The following PRELID2 variants were observed in gnomAD, a reference collection of about 807,000 sequenced individuals.
PRELID2 encodes PRELI domain-containing protein 2.
A neutral mutation model predicts 28.4 loss-of-function variants in PRELID2; 25 were observed. That is an observed-to-expected ratio of 0.88 (90% CI 0.64 to 1.23). PRELID2 has a LOEUF of 1.23. PRELID2 is among the 50% of genes most tolerant of loss of function. The pLI, the probability that PRELID2 is intolerant of heterozygous loss-of-function variation, is 0.00. For missense variants in PRELID2, 201 were observed against 214.4 expected (o/e 0.94, Z 0.39); for synonymous variants, 76 against 71.6 (o/e 1.06, Z -0.31).
chr5:145,559,477 AAT>A (rs1264101102), intron 1 of PRELID2, among the ~76,000 whole-genome samples: 2 of 152,172 alleles, frequency 1.3e-5, no homozygotes, highest in African/African-American at 4.8e-5. Context: ...TTTTGTTTAA[AAT>A]ATGTGTCATA....
At chr5:145,623,452 A>AT (rs1352300302) in intron 1 of PRELID2, among the ~76,000 whole-genome samples, 1,684 of 151,524 alleles carry the variant, frequency 0.011, 32 homozygotes, top group African/African-American at 0.037. Context: ...CTTCTCAAAA[A>AT]AAAATAAATA....
chr5:145,513,236 C>A (rs1035641887), intron 1 of PRELID2, among the ~76,000 whole-genome samples: 3 of 151,542 alleles, frequency 2.0e-5, no homozygotes, highest in African/African-American at 7.3e-5. Context: ...AGCTAAGAAC[C>A]TTGAAAAAAG....
intron 1 of PRELID2, among the ~76,000 whole-genome samples, chr5:145,727,319 G>A (rs1165840968): frequency 6.6e-6 from 1 of 152,102 alleles, no homozygotes; most frequent in Non-Finnish European, 1.5e-5. Flanking sequence ...TTATGCCCTG[G>A]GCTTAGATTA....
intron 1 of PRELID2, among the ~76,000 whole-genome samples, chr5:145,670,925 A>C (rs1010882015): frequency 1.3e-5 from 2 of 152,212 alleles, no homozygotes; most frequent in Non-Finnish European, 2.9e-5. Context: ...AACTTACAAC[A>C]GTGAGAGATC....
At chr5:145,574,967 A>T (rs1418316835) in intron 1 of PRELID2, among the ~76,000 whole-genome samples, 1 of 152,234 alleles carries the variant, frequency 6.6e-6, no homozygotes, top group Admixed American at 6.5e-5. Context: ...AATTGGTTGA[A>T]TCCATGAAAG....
the PRELID2 span, among the ~76,000 whole-genome samples, chr5:145,405,591 T>TG: frequency 6.6e-6 from 1 of 151,698 alleles, no homozygotes. Flanking sequence ...GCTTAGCTTC[T>TG]GGGGAGGCCT....
At chr5:145,491,816 G>C (rs1454001121) in intron 1 of PRELID2, among the ~76,000 whole-genome samples, 1 of 151,752 alleles carries the variant, frequency 6.6e-6, no homozygotes, top group Non-Finnish European at 1.5e-5. Context: ...TCTGTGTTTG[G>C]CTTATTTCAC....
chr5:145,381,978 A>T, the PRELID2 span, among the ~76,000 whole-genome samples: 3 of 151,798 alleles, frequency 2.0e-5, no homozygotes, highest in East Asian at 5.8e-4. Context: ...TTAATTTAGC[A>T]GAAAAAATGA....
At chr5:145,426,995 A>G in the PRELID2 span, among the ~76,000 whole-genome samples, 3 of 152,328 alleles carry the variant, frequency 2.0e-5, no homozygotes, top group South Asian at 6.2e-4. Flanking sequence ...TCTCTGAGTA[A>G]CTGAATTCAC....
intron 1 of PRELID2, among the ~76,000 whole-genome samples, chr5:145,629,835 A>G (rs1196388747): frequency 6.8e-6 from 1 of 148,058 alleles, no homozygotes; most frequent in Non-Finnish European, 1.5e-5. Context: ...CTTGCAATAA[A>G]TATACCCTTT....
intron 1 of PRELID2, among the ~76,000 whole-genome samples, chr5:145,711,745 G>A (rs1052098170): frequency 2.6e-5 from 4 of 151,944 alleles, no homozygotes; most frequent in Admixed American, 6.6e-5. Context: ...GGGTTGGGGG[G>A]CGGGGGCAAG....
At chr5:145,660,628 A>G (rs1754474512) in intron 1 of PRELID2, among the ~76,000 whole-genome samples, 1 of 152,196 alleles carries the variant, frequency 6.6e-6, no homozygotes, top group Non-Finnish European at 1.5e-5. Flanking sequence ...CATCAGGCCT[A>G]TTGGTGCCAA....
At chr5:145,287,917 A>G in the PRELID2 span, among the ~76,000 whole-genome samples, 332 of 152,282 alleles carry the variant, frequency 2.2e-3, 2 homozygotes, top group African/African-American at 7.7e-3. Flanking sequence ...TGACTGTTTT[A>G]AGGAGTAGTC....
At chr5:145,680,848 T>C (rs1305385858) in intron 1 of PRELID2, among the ~76,000 whole-genome samples, 8 of 151,740 alleles carry the variant, frequency 5.3e-5, no homozygotes, top group Non-Finnish European at 1.2e-4. Context: ...TGGGAGAAAG[T>C]ACTTTGTTCC....
rs1754143568 is a variant in PRELID2, at chr5:145,643,489, TG to T, written n.70+121441del. On this transcript the variant is annotated intron_variant and non_coding_transcript_variant, in intron 1 of 2. Transcript: ENST00000510259. ...ATAATTTGACTTCCTCTTTTCCTAT[TG>T]GAATACCTTTTATTTCTTTCTCTTG... Among the ~76,000 whole-genome samples, 4 of 152,316 alleles carry T rather than the reference TG, an allele frequency of 2.6e-5. No homozygotes were observed. In the East Asian group the frequency reaches 5.8e-4, roughly 22 times the overall value.
the PRELID2 span, among the ~76,000 whole-genome samples, chr5:145,394,262 A>T: frequency 2.0e-5 from 3 of 152,164 alleles, no homozygotes; most frequent in African/African-American, 7.2e-5. Flanking sequence ...TAAAAAAATG[A>T]TGAGTTCATG....
chr5:145,751,341 G>A (rs1757118081), intron 1 of PRELID2, among the ~76,000 whole-genome samples: 1 of 152,164 alleles, frequency 6.6e-6, no homozygotes, highest in African/African-American at 2.4e-5. Flanking sequence ...CAGTGATTGG[G>A]GGTGGCCTCA....
the PRELID2 span, among the ~76,000 whole-genome samples, chr5:145,376,592 G>C: frequency 2.6e-5 from 4 of 151,992 alleles, no homozygotes; most frequent in African/African-American, 9.7e-5. Context: ...GTCTGTTTAG[G>C]GATTCAGTTC....
At chr5:145,436,702 G>C in the PRELID2 span, among the ~76,000 whole-genome samples, 2 of 152,094 alleles carry the variant, frequency 1.3e-5, no homozygotes, top group African/African-American at 2.4e-5. Context: ...TTTGCTGGCT[G>C]TGTTTATGTC....
Sources: gnomAD v4.1 joint callset for allele counts (sites outside exome capture counted in the v4.1 genomes callset) on GRCh38, gnomAD v4.1.1 for gene constraint, MANE v1.5 for transcripts, NCBI Gene and HGNC (gene_info 2026-07-23, HGNC 2026-07-21) for gene names.